TMPRSS12: variants seen among roughly 807,000 people sequenced by gnomAD.
TMPRSS12 encodes transmembrane protease serine 12.
In TMPRSS12, 25 loss-of-function variants were observed where a neutral mutation model predicts 26.0. That is an observed-to-expected ratio of 0.96 (90% CI 0.70 to 1.34). TMPRSS12 has a LOEUF of 1.34. Among genes scored for constraint, TMPRSS12 ranks in the 40% most tolerant of loss-of-function variants. TMPRSS12 has a pLI of 0.00. For synonymous variants in TMPRSS12, 150 were observed against 161.7 expected (o/e 0.93, Z 0.55); for missense variants, 441 against 440.1 (o/e 1.00, Z -0.02).
chr12:50,852,734 C>T (rs1937837913), intron 2 of TMPRSS12, among the ~76,000 whole-genome samples: 1 of 152,004 alleles, frequency 6.6e-6, no homozygotes, highest in Non-Finnish European at 1.5e-5. Context: ...CCAAAATGAC[C>T]AAAAGGGACA....
At chr12:50,853,810 A>G (rs973152316) in intron 2 of TMPRSS12, among the ~76,000 whole-genome samples, 2 of 152,108 alleles carry the variant, frequency 1.3e-5, no homozygotes, top group African/African-American at 4.8e-5. Context: ...GACCAATAAC[A>G]AGTTCCAACA....
intron 3 of TMPRSS12, among the ~76,000 whole-genome samples, chr12:50,879,744 G>T (rs755954606): frequency 1.5e-4 from 23 of 152,152 alleles, no homozygotes; most frequent in Non-Finnish European, 3.1e-4. Flanking sequence ...GAGGCAGGTG[G>T]ATCACTTGAG....
chr12:50,850,087 T>C (rs1298772061), intron 2 of TMPRSS12, among the ~76,000 whole-genome samples: 3 of 152,226 alleles, frequency 2.0e-5, no homozygotes, highest in African/African-American at 7.2e-5. Flanking sequence ...CTATTTGTTT[T>C]TATTGCTGAA....
At chr12:50,863,852 TTAA>T (rs1222474812) in intron 3 of TMPRSS12, among the ~76,000 whole-genome samples, 1 of 152,254 alleles carries the variant, frequency 6.6e-6, no homozygotes, top group Non-Finnish European at 1.5e-5. Flanking sequence ...ACACATTGTA[TTAA>T]TGTCAGTCTC....
At chr12:50,861,804 A>G (rs1937938344) in intron 3 of TMPRSS12, among the ~76,000 whole-genome samples, 1 of 151,344 alleles carries the variant, frequency 6.6e-6, no homozygotes, top group Non-Finnish European at 1.5e-5. Context: ...CCACTGTATT[A>G]TTAATATATC....
At chr12:50,844,636 A>G (rs1485733537) in intron 2 of TMPRSS12, among the ~76,000 whole-genome samples, 1 of 152,036 alleles carries the variant, frequency 6.6e-6, no homozygotes, top group Non-Finnish European at 1.5e-5. Flanking sequence ...CAGCCTCCCA[A>G]AGTTCTGGGA....
At chr12:50,858,044 A>G (rs1227949027) in intron 2 of TMPRSS12, among the ~76,000 whole-genome samples, 1 of 152,074 alleles carries the variant, frequency 6.6e-6, no homozygotes, top group African/African-American at 2.4e-5. Flanking sequence ...GGGTTTCACC[A>G]TGTTAGCCAG....
chr12:50,868,133 G>T (rs1332843628), intron 3 of TMPRSS12, among the ~76,000 whole-genome samples: 2 of 152,108 alleles, frequency 1.3e-5, no homozygotes, highest in Non-Finnish European at 2.9e-5. Context: ...GAATGCAATG[G>T]TACCTCACAT....
intron 3 of TMPRSS12, among the ~76,000 whole-genome samples, chr12:50,883,512 C>G (rs1938195420): frequency 6.6e-6 from 1 of 151,982 alleles, no homozygotes; most frequent in East Asian, 1.9e-4. Flanking sequence ...AGCAAGACCT[C>G]AACTCTACAA....
intron 3 of TMPRSS12, among the ~76,000 whole-genome samples, chr12:50,871,779 A>G (rs1246372105): frequency 6.6e-6 from 1 of 152,248 alleles, no homozygotes; most frequent in Non-Finnish European, 1.5e-5. Flanking sequence ...GGTTAAAGAC[A>G]TGAATAGGCA....
In TMPRSS12 at chr12:50,843,091, C is replaced by A; in HGVS notation, c.127C>A (p.Gln43Lys). ...PSPEPAASSQ[Q>K]AEAVRKRLRR... Reference sequence around the variant, plus strand: ...GCCGGAACCGGCGGCTAGTTCCCAGCAGGCTGAGGCCGTCCGCAAGAGGCT... The same window carrying A: ...GCCGGAACCGGCGGCTAGTTCCCAGAAGGCTGAGGCCGTCCGCAAGAGGCT... The change falls in exon 1 of 5, where the codon CAG (glutamine) becomes AAG (lysine). Residue 43 changes from glutamine (Q) to lysine (K), a missense_variant. Coordinates refer to ENST00000398458, the MANE Select transcript of TMPRSS12 (RefSeq NM_182559.3). The A allele has an allele frequency of 6.3e-7, 1 of 1,582,770 alleles. No homozygotes were observed. The highest frequency in any genetic ancestry group is 8.6e-7 in the Non-Finnish European group (1 of 1,164,704).
chr12:50,871,789 A>C (rs549772566), intron 3 of TMPRSS12, among the ~76,000 whole-genome samples: 1 of 152,236 alleles, frequency 6.6e-6, no homozygotes, highest in African/African-American at 2.4e-5. Context: ...ATGAATAGGC[A>C]ATTCTCAAAA....
At chr12:50,883,095 A>G (rs1046032279) in intron 3 of TMPRSS12, among the ~76,000 whole-genome samples, 2 of 152,202 alleles carry the variant, frequency 1.3e-5, no homozygotes, top group African/African-American at 4.8e-5. Context: ...CTGGGAGGCC[A>G]AATTAGGAGG....
At chr12:50,886,093 A>T (rs866489588) in intron 4 of TMPRSS12, 15 of 152,132 alleles carry the variant, frequency 9.9e-5, no homozygotes, top group African/African-American at 3.4e-4. Context: ...TTAGCCATTT[A>T]TATATCTTCT....
At chr12:50,887,180 G>T in intron 4 of TMPRSS12, 82 bp from the exon 5 acceptor site, 1 of 1,331,092 alleles carries the variant, frequency 7.5e-7, no homozygotes, top group South Asian at 1.5e-5. Flanking sequence ...ATGTATGTTT[G>T]ATGTAAATAA....
chr12:50,855,489 A>G (rs1482394073), intron 2 of TMPRSS12, among the ~76,000 whole-genome samples: 2 of 152,220 alleles, frequency 1.3e-5, no homozygotes, highest in Non-Finnish European at 2.9e-5. Context: ...AGAAATGCAA[A>G]TCAAAACCAC....
intron 3 of TMPRSS12, among the ~76,000 whole-genome samples, chr12:50,882,203 A>T (rs532340282): frequency 1.4e-5 from 2 of 145,318 alleles, no homozygotes; most frequent in South Asian, 4.3e-4. Flanking sequence ...TAATCCCAAC[A>T]CTTTGGGAGG....
chr12:50,880,441 C>A (rs1938152371), intron 3 of TMPRSS12, among the ~76,000 whole-genome samples: 1 of 152,076 alleles, frequency 6.6e-6, no homozygotes, highest in Non-Finnish European at 1.5e-5. Flanking sequence ...TGCCACTATG[C>A]AACTGCTAGA....
chr12:50,853,476 G>T (rs1008129540), intron 2 of TMPRSS12, among the ~76,000 whole-genome samples: 1 of 150,484 alleles, frequency 6.6e-6, no homozygotes, highest in Non-Finnish European at 1.5e-5. Context: ...CAAAATCACA[G>T]CTGAATTGAA....
Sources: gnomAD v4.1 joint callset for allele counts (sites outside exome capture counted in the v4.1 genomes callset) on GRCh38, gnomAD v4.1.1 for gene constraint, MANE v1.5 for transcripts, NCBI Gene and HGNC (gene_info 2026-07-23, HGNC 2026-07-21) for gene names.